The following TPTE2 variants were observed in gnomAD, a reference collection of about 807,000 sequenced individuals.
TPTE2 encodes the protein transmembrane phosphoinositide 3-phosphatase and tensin homolog 2, also known as phosphatidylinositol 3,4,5-trisphosphate 3-phosphatase TPTE2.
A neutral mutation model predicts 78.6 loss-of-function variants in TPTE2; 53 were observed. The ratio of observed to expected loss-of-function variants is 0.67; its 90% confidence interval spans 0.54 to 0.85. The LOEUF is 0.85. TPTE2 is among the 40% of genes least tolerant of loss of function. The pLI, the probability that TPTE2 is intolerant of heterozygous loss-of-function variation, is 0.00. For synonymous variants in TPTE2, 175 were observed against 206.2 expected, an observed-to-expected ratio of 0.85 and a Z score of 1.30; for missense variants, 461 against 623.0, an observed-to-expected ratio of 0.74 and a Z score of 2.77.
At chr13:19,498,426 C>A (rs1881534391) in intron 1 of TPTE2, among the ~76,000 whole-genome samples, 1 of 149,560 alleles carries the variant, frequency 6.7e-6, no homozygotes, top group Admixed American at 6.6e-5. Flanking sequence ...CAAACAGAAG[C>A]CCATCAGACT....
chr13:19,474,146 C>T (rs574905332), intron 5 of TPTE2, 71 bp from the exon 9 acceptor site: 1 of 1,290,952 alleles, frequency 7.7e-7, no homozygotes, highest in African/African-American at 1.6e-5. Context: ...GGCATTTGTC[C>T]CTATAGCTAT....
intron 17 of TPTE2, among the ~76,000 whole-genome samples, 172 bp from the exon 21 acceptor site, chr13:19,426,689 A>ATG (rs1308543589): frequency 6.6e-6 from 1 of 152,060 alleles, no homozygotes. Flanking sequence ...ACTGTTGTTT[A>ATG]TGTGTGTGTG....
intron 4 of TPTE2, among the ~76,000 whole-genome samples, chr13:19,477,582 T>G (rs1365995143): frequency 3.3e-5 from 5 of 152,150 alleles, no homozygotes; most frequent in Non-Finnish European, 7.3e-5. Context: ...CAAGAACCTC[T>G]GATCCCACAC....
the TPTE2 span, among the ~76,000 whole-genome samples, chr13:19,544,934 TCACACACACACACACACACACACACACA>T: frequency 7.0e-6 from 1 of 142,420 alleles, no homozygotes; most frequent in East Asian, 2.1e-4. Context: ...ACGTGCACAC[TCACACACACACACACACACACACACACA>T]CACACACACA....
At position 19,482,483 on chromosome 13, in the gene TPTE2, C is replaced by T. The variant is rs112199941; in HGVS notation, c.179+5G>A. The T allele has an allele frequency of 6.2e-7, 1 of 1,612,094 alleles. No homozygotes were observed. The highest frequency in any genetic ancestry group is 8.5e-7 in the Non-Finnish European group (1 of 1,178,958). On this transcript the variant is annotated splice_donor_5th_base_variant and intron_variant, in intron 4 of 19. Transcript: ENST00000400230. ...TCCCTCCTTTCAAACTTCAAACTGA[C>T]TTACTCATATGAAGCAACATTTTCA...
intron 10 of TPTE2, among the ~76,000 whole-genome samples, chr13:19,452,149 T>C (rs1878227075): frequency 6.6e-6 from 1 of 152,104 alleles, no homozygotes. Flanking sequence ...ACTCTGAATC[T>C]GCATAGTGGG....
chr13:19,547,966 AAT>A, the TPTE2 span, among the ~76,000 whole-genome samples: 25 of 152,020 alleles, frequency 1.6e-4, no homozygotes, highest in Admixed American at 9.2e-4. Flanking sequence ...TATAATTTAA[AAT>A]ATGTTTAATA....
chr13:19,547,720 C>CATACATATATATATATATATATATAT, the TPTE2 span, among the ~76,000 whole-genome samples: 1,189 of 118,644 alleles, frequency 0.01, 31 homozygotes, highest in South Asian at 0.026. Context: ...AATAAATATA[C>CATACATATATATATATATATATATAT]ATATATATAT....
chr13:19,456,745 C>T (rs1878558619), intron 10 of TPTE2, among the ~76,000 whole-genome samples: 1 of 151,966 alleles, frequency 6.6e-6, no homozygotes, highest in African/African-American at 2.4e-5. Flanking sequence ...TAGTCAATGC[C>T]CAAGTCAAAA....
At chr13:19,519,332 A>G (rs1323084571) in intron 1 of TPTE2, among the ~76,000 whole-genome samples, 1 of 152,212 alleles carries the variant, frequency 6.6e-6, no homozygotes, top group African/African-American at 2.4e-5. Context: ...CATAAAAGGA[A>G]AGGAAAAAAA....
the TPTE2 span, among the ~76,000 whole-genome samples, chr13:19,544,060 C>CAAAAAAAAAAAAAAAAAAAAAAAAA: frequency 6.3e-5 from 2 of 31,984 alleles, 1 homozygote; most frequent in Non-Finnish European, 1.0e-4. Flanking sequence ...GAACCTGTCT[C>CAAAAAAAAAAAAAAAAAAAAAAAAA]AAAAAAAAAA....
intron 6 of TPTE2, among the ~76,000 whole-genome samples, chr13:19,468,335 T>A (rs1879416814): frequency 6.6e-6 from 1 of 152,068 alleles, no homozygotes; most frequent in Non-Finnish European, 1.5e-5. Context: ...GCCATTGCAC[T>A]TGGCCAGGAT....
intron 1 of TPTE2, among the ~76,000 whole-genome samples, chr13:19,519,834 A>G (rs1870042572): frequency 6.6e-6 from 1 of 152,200 alleles, no homozygotes; most frequent in Admixed American, 6.5e-5. Flanking sequence ...GGATTTTGAT[A>G]GGAACTGAGT....
chr13:19,445,285 G>A (rs548863587), intron 13 of TPTE2, among the ~76,000 whole-genome samples: 1 of 152,064 alleles, frequency 6.6e-6, no homozygotes, highest in South Asian at 2.1e-4. Flanking sequence ...GAGAAAAATG[G>A]TTAAGAAAAT....
intron 13 of TPTE2, among the ~76,000 whole-genome samples, chr13:19,439,358 A>G (rs1307848528): frequency 6.6e-6 from 1 of 152,094 alleles, no homozygotes; most frequent in Non-Finnish European, 1.5e-5. Flanking sequence ...AAGCAAAGCC[A>G]AAAGACCCTA....
At chr13:19,489,081 T>C (rs1352357383) in intron 3 of TPTE2, among the ~76,000 whole-genome samples, 1 of 152,140 alleles carries the variant, frequency 6.6e-6, no homozygotes, top group African/African-American at 2.4e-5. Flanking sequence ...GGCTAGTCAG[T>C]GGAGCAGTCG....
intron 4 of TPTE2, among the ~76,000 whole-genome samples, 163 bp from the exon 8 acceptor site, chr13:19,475,786 C>T (rs886190172): frequency 3.9e-5 from 6 of 152,076 alleles, no homozygotes; most frequent in Non-Finnish European, 7.4e-5. Context: ...CTTCCTGCTC[C>T]ATGAGTATTT....
At chr13:19,438,227 T>A in intron 13 of TPTE2, 74 bp from the exon 17 acceptor site, 1 of 1,525,962 alleles carries the variant, frequency 6.6e-7, no homozygotes, top group Non-Finnish European at 8.8e-7. Context: ...AAGGAGTGCA[T>A]TTTAACTTGA....
exon 20 of TPTE2, chr13:19,423,123 T>C (rs1875728129): frequency 6.2e-7 from 1 of 1,611,996 alleles, no homozygotes; most frequent in Non-Finnish European, 8.5e-7. Flanking sequence ...CCATGCTTTT[T>C]GTTTATGTGG....
Sources: gnomAD v4.1 joint callset for allele counts (sites outside exome capture counted in the v4.1 genomes callset) on GRCh38, gnomAD v4.1.1 for gene constraint, MANE v1.5 for transcripts, NCBI Gene and HGNC (gene_info 2026-07-23, HGNC 2026-07-21) for gene names.